Variants in TEK observed in about 807,000 individuals in gnomAD.
TEK encodes angiopoietin-1 receptor.
In TEK, 43 loss-of-function variants were observed where a neutral mutation model predicts 131.8. That is an observed-to-expected ratio of 0.33 (90% CI 0.26 to 0.42). The LOEUF (loss-of-function observed/expected upper bound fraction) is 0.42, where lower values mean the gene tolerates loss of function less well. Ranked by LOEUF, TEK falls within the 10% of genes least tolerant of loss-of-function variation. The pLI is 1.00. For missense variants in TEK, 1,162 were observed against 1,384.4 expected (o/e 0.84, Z 2.55); for synonymous variants, 580 against 491.6 (o/e 1.18, Z -2.38).
chr9:27,164,101 TCCAGAGCG>T (rs1219130297), intron 2 of TEK, among the ~76,000 whole-genome samples: 1 of 152,152 alleles, frequency 6.6e-6, no homozygotes, highest in Non-Finnish European at 1.5e-5. Context: ...TATGAAAGCA[TCCAGAGCG>T]AGATTCCTTG....
intron 10 of TEK, 64 bp downstream of exon 10, chr9:27,190,754 A>G: frequency 6.3e-7 from 1 of 1,593,222 alleles, no homozygotes; most frequent in South Asian, 1.1e-5. Flanking sequence ...TTTTTCTCCA[A>G]ATCTAGAAAT....
chr9:27,148,607 T>G (rs547799478), intron 1 of TEK, among the ~76,000 whole-genome samples: 1 of 152,338 alleles, frequency 6.6e-6, no homozygotes, highest in East Asian at 1.9e-4. Context: ...TATGCCACAT[T>G]GGCTAATCCT....
chr9:27,202,769 T>G, intron 12 of TEK, 51 bp from the exon 13 acceptor site: 1 of 1,569,598 alleles, frequency 6.4e-7, no homozygotes, highest in Non-Finnish European at 8.8e-7. Flanking sequence ...CATAATGATC[T>G]AGGCCATGGT....
intron 9 of TEK, among the ~76,000 whole-genome samples, chr9:27,189,200 A>G (rs1240724294): frequency 1.3e-5 from 2 of 152,190 alleles, no homozygotes; most frequent in African/African-American, 4.8e-5. Flanking sequence ...TTCACTTCAC[A>G]AACAATAACT....
intron 15 of TEK, among the ~76,000 whole-genome samples, chr9:27,207,529 T>A (rs1002688310): frequency 6.6e-6 from 1 of 152,218 alleles, no homozygotes; most frequent in Non-Finnish European, 1.5e-5. Context: ...TATTTGATAA[T>A]ATCTTCAGAG....
At chr9:27,220,239 C>A in intron 21 of TEK, 94 bp downstream of exon 21, 1 of 1,149,980 alleles carries the variant, frequency 8.7e-7, no homozygotes, top group Non-Finnish European at 1.3e-6. Flanking sequence ...CCGGTATACA[C>A]TATACACAAA....
intron 1 of TEK, among the ~76,000 whole-genome samples, chr9:27,150,867 C>T (rs927439426): frequency 3.9e-5 from 6 of 152,092 alleles, no homozygotes; most frequent in East Asian, 1.9e-4. Context: ...GGAAAATTTC[C>T]GGCGTTTGAA....
At chr9:27,217,869 G>T (rs891591835) in intron 19 of TEK, 111 bp downstream of exon 19, 3 of 945,504 alleles carry the variant, frequency 3.2e-6, no homozygotes, top group Non-Finnish European at 3.4e-6. Context: ...GGGAACAAAG[G>T]TAACTAAAAA....
intron 1 of TEK, among the ~76,000 whole-genome samples, chr9:27,142,076 G>T (rs1822746456): frequency 6.6e-6 from 1 of 152,156 alleles, no homozygotes; most frequent in South Asian, 2.1e-4. Context: ...AGCTTGCAGG[G>T]AGTTTGGGGC....
intron 1 of TEK, among the ~76,000 whole-genome samples, chr9:27,147,949 C>T (rs1294729324): frequency 1.3e-5 from 2 of 152,198 alleles, no homozygotes; most frequent in Non-Finnish European, 2.9e-5. Context: ...TACAAATTAG[C>T]TGTGTAACAA....
chr9:27,172,386 C>T (rs767002354), intron 4 of TEK, among the ~76,000 whole-genome samples: 4 of 152,178 alleles, frequency 2.6e-5, no homozygotes, highest in Non-Finnish European at 5.9e-5. Flanking sequence ...CCTTTATGCC[C>T]TCTTCTATCC....
chr9:27,195,480 A>G (rs1824971579), intron 11 of TEK, among the ~76,000 whole-genome samples: 1 of 152,186 alleles, frequency 6.6e-6, no homozygotes, highest in Non-Finnish European at 1.5e-5. Flanking sequence ...TCCTCTGTAA[A>G]CAATTGTAGT....
intron 7 of TEK, among the ~76,000 whole-genome samples, chr9:27,180,895 C>T (rs1298132520): frequency 6.6e-6 from 1 of 151,962 alleles, no homozygotes; most frequent in African/African-American, 2.4e-5. Context: ...TATAGAGATA[C>T]ATTTTTTATA....
intron 6 of TEK, among the ~76,000 whole-genome samples, chr9:27,179,628 T>C (rs1018591470): frequency 1.3e-5 from 2 of 152,210 alleles, no homozygotes; most frequent in Non-Finnish European, 2.9e-5. Context: ...CCTCAAACTC[T>C]CACTGTTAGG....
intron 1 of TEK, among the ~76,000 whole-genome samples, chr9:27,156,508 C>T (rs1823336090): frequency 6.6e-6 from 1 of 151,666 alleles, no homozygotes; most frequent in Non-Finnish European, 1.5e-5. Flanking sequence ...CAGAAGGTGG[C>T]CATGCCAAGA....
At position 27,197,385 on chromosome 9, in the gene TEK, A is replaced by G. The variant is rs1825067377; in HGVS notation, c.1695A>G (p.Pro565=). The G allele has an allele frequency of 6.2e-6, 10 of 1,614,138 alleles. No individual in the cohort carries two copies. Among genetic ancestry groups the G allele is most frequent in the Non-Finnish European group, 8.5e-6 (10 of 1,179,998 alleles). The change falls in exon 12 of 23, where the codon CCA becomes CCG. Residue 565 remains proline, a synonymous_variant. Transcript: ENST00000380036. The stretch of plus-strand genomic sequence containing the variant: ...CCACTCTAAATTTGACCTGGCAACC[A>G]ATATTTCCAAGCTCGGAAGATGACT... ...SQTTLNLTWQ[P]IFPSSEDDFY... is the part of the protein sequence containing the mutation.
Position 27,109,239 on chromosome 9 carries a change from C to T in TEK, c.-352C>T. The T allele has an allele frequency of 3.8e-6, 2 of 531,974 alleles. No individual in the cohort carries two copies. The highest frequency in any genetic ancestry group is 3.3e-5 in the South Asian group (1 of 30,762). 33.0% of individuals were successfully genotyped at this position (531,974 alleles called of 1,614,324 possible). On this transcript the variant is annotated 5_prime_UTR_variant, in exon 1 of 23. Coordinates refer to ENST00000380036, the MANE Select transcript of TEK (RefSeq NM_000459.5). ...AACAAAAATTCCTCTGCCCCTACAG[C>T]AGCAGCAAAAGCAGCAGCAGAAGCA...
At chr9:27,118,053 C>T (rs1254944161) in intron 1 of TEK, among the ~76,000 whole-genome samples, 3 of 152,114 alleles carry the variant, frequency 2.0e-5, no homozygotes, top group African/African-American at 2.4e-5. Context: ...TTGTGCAAGG[C>T]GTCTGGCTGC....
At chr9:27,225,732 C>T (rs1216527495) in intron 21 of TEK, among the ~76,000 whole-genome samples, 1 of 152,150 alleles carries the variant, frequency 6.6e-6, no homozygotes, top group Non-Finnish European at 1.5e-5. Context: ...CCAAAATTGA[C>T]AAATGGGATC....
Sources: gnomAD v4.1 joint callset for allele counts (sites outside exome capture counted in the v4.1 genomes callset) on GRCh38, gnomAD v4.1.1 for gene constraint, MANE v1.5 for transcripts, NCBI Gene and HGNC (gene_info 2026-07-23, HGNC 2026-07-21) for gene names.